DHRSX: variants seen among roughly 807,000 people sequenced by gnomAD.
The protein encoded by DHRSX is dehydrogenase/reductase X-linked.
A neutral mutation model predicts 34.0 loss-of-function variants in DHRSX; 31 were observed. The observed-to-expected ratio is 0.91, with a 90% confidence interval of 0.69 to 1.23. The LOEUF (loss-of-function observed/expected upper bound fraction) is 1.23. DHRSX is among the 50% of genes most tolerant of loss of function. The probability of loss-of-function intolerance (pLI) is 0.00; values close to 1 mark genes in which losing one functional copy is unlikely to be tolerated. For synonymous variants in DHRSX, 201 were observed against 183.8 expected (o/e 1.09, Z -0.76); for missense variants, 414 against 428.1 (o/e 0.97, Z 0.29).
chrX:2,427,287 A>G (rs2043862637), intron 1 of DHRSX, among the ~76,000 whole-genome samples: 1 of 152,110 alleles, frequency 6.6e-6, no homozygotes, highest in Non-Finnish European at 1.5e-5. Context: ...GAGGGAAGAG[A>G]GGAGGGAAGA....
intron 3 of DHRSX, among the ~76,000 whole-genome samples, chrX:2,376,178 T>C (rs1458685578): frequency 7.3e-6 from 1 of 137,766 alleles, no homozygotes; most frequent in Non-Finnish European, 1.7e-5. Context: ...CTTTTTTCGC[T>C]AAATCTAAAT....
intron 3 of DHRSX, among the ~76,000 whole-genome samples, chrX:2,359,816 G>A (rs922549774): frequency 1.3e-5 from 2 of 152,148 alleles, no homozygotes; most frequent in African/African-American, 4.8e-5. Flanking sequence ...AGCAAACTAT[G>A]TAGGAACAGC....
At chrX:2,386,210 G>A (rs1465395497) in intron 3 of DHRSX, among the ~76,000 whole-genome samples, 1 of 150,190 alleles carries the variant, frequency 6.7e-6, no homozygotes, top group East Asian at 2.0e-4. Flanking sequence ...GTGTGTGAGA[G>A]AGAGAGAGAA....
At chrX:2,346,157 A>G (rs2042707708) in intron 3 of DHRSX, among the ~76,000 whole-genome samples, 2 of 152,096 alleles carry the variant, frequency 1.3e-5, no homozygotes, top group South Asian at 4.1e-4. Context: ...ACTCAAATAC[A>G]TGTATTTTCT....
intron 1 of DHRSX, among the ~76,000 whole-genome samples, chrX:2,494,886 A>C (rs1489074948): frequency 6.6e-6 from 1 of 151,882 alleles, no homozygotes; most frequent in East Asian, 1.9e-4. Context: ...TACTGTGAAC[A>C]AAGGTTTATA....
At chrX:2,443,991 C>T (rs184430948) in intron 1 of DHRSX, among the ~76,000 whole-genome samples, 21 of 140,618 alleles carry the variant, frequency 1.5e-4, no homozygotes, top group African/African-American at 4.3e-4. Flanking sequence ...GGCGACAGAG[C>T]GAGACTCCGT....
intron 3 of DHRSX, among the ~76,000 whole-genome samples, chrX:2,330,647 G>A (rs1035012336): frequency 2.1e-5 from 3 of 146,082 alleles, no homozygotes; most frequent in South Asian, 4.4e-4. Flanking sequence ...GAGAAGAAAC[G>A]AAAGAAGATG....
chrX:2,292,847 G>A (rs2041882682), intron 3 of DHRSX, among the ~76,000 whole-genome samples: 1 of 151,902 alleles, frequency 6.6e-6, no homozygotes, highest in Admixed American at 6.6e-5. Flanking sequence ...TGCTCAGTCT[G>A]TTATTTTGTT....
intron 1 of DHRSX, among the ~76,000 whole-genome samples, chrX:2,450,920 G>C (rs1269221541): frequency 1.3e-5 from 2 of 151,940 alleles, no homozygotes; most frequent in African/African-American, 2.4e-5. Flanking sequence ...AATGGGATCA[G>C]TGTCCTTATA....
In DHRSX at chrX:2,449,990, T is replaced by A. The variant is rs188659318; in HGVS notation, c.110-24686A>T. ...ACACAAATGCCCCCCTGCTCTTTTG[T>A]AATAATACTAACACAGATTACCGAA... On this transcript the variant is annotated intron_variant, in intron 1 of 6. Transcript: ENST00000334651. Among the ~76,000 whole-genome samples, 1,419 of 152,144 alleles carry A rather than the reference T, an allele frequency of 9.3e-3. 48 individuals carry two copies. The highest frequency in any genetic ancestry group is 0.058 in the East Asian group (299 of 5,182).
chrX:2,493,336 T>A (rs989300131), intron 1 of DHRSX, among the ~76,000 whole-genome samples: 12 of 152,136 alleles, frequency 7.9e-5, no homozygotes, highest in Admixed American at 7.2e-4. Context: ...ATCATCATAT[T>A]ATTATTTGGC....
chrX:2,460,728 T>G (rs772131744), intron 1 of DHRSX, among the ~76,000 whole-genome samples: 1 of 152,074 alleles, frequency 6.6e-6, no homozygotes. Flanking sequence ...GGACTACAAA[T>G]GCACACCTTA....
intron 3 of DHRSX, among the ~76,000 whole-genome samples, chrX:2,327,676 C>A (rs2042402742): frequency 1.3e-5 from 2 of 152,110 alleles, no homozygotes; most frequent in African/African-American, 4.8e-5. Context: ...GCCCTAACGC[C>A]CAGGACCTCA....
chrX:2,410,993 G>A (rs2043620064), intron 2 of DHRSX, among the ~76,000 whole-genome samples: 1 of 152,112 alleles, frequency 6.6e-6, no homozygotes, highest in Admixed American at 6.6e-5. Flanking sequence ...TGGCACTGAG[G>A]AGGCAGCAGG....
chrX:2,316,774 A>G lies in DHRSX; in HGVS notation c.287-25171T>C, dbSNP rs745483755. Among the ~76,000 whole-genome samples the G allele has an allele frequency of 3.3e-5, 5 of 152,324 alleles. No homozygotes were observed. In the South Asian group the frequency reaches 1.0e-3, roughly 32 times the overall value. ...ATCCTACTGCTCAAGGTCATCGCCAAGATCTGATGGCAAAAATTCAAAAAC... is the reference window on the plus strand; with the variant it reads ...ATCCTACTGCTCAAGGTCATCGCCAGGATCTGATGGCAAAAATTCAAAAAC... On this transcript the variant is annotated intron_variant, in intron 3 of 6. Coordinates refer to ENST00000334651, the MANE Select transcript of DHRSX (RefSeq NM_145177.3).
chrX:2,445,587 G>A (rs1159942973), intron 1 of DHRSX, among the ~76,000 whole-genome samples: 1 of 151,856 alleles, frequency 6.6e-6, no homozygotes, highest in Non-Finnish European at 1.5e-5. Context: ...CTAAGAATGC[G>A]GCCAAGGGAC....
intron 3 of DHRSX, among the ~76,000 whole-genome samples, chrX:2,395,894 T>C (rs2043403602): frequency 6.6e-6 from 1 of 152,156 alleles, no homozygotes; most frequent in South Asian, 2.1e-4. Context: ...GCCCGATCTA[T>C]GTCTCTACTC....
chrX:2,330,661 GAGAAGA>G (rs202100782), intron 3 of DHRSX, among the ~76,000 whole-genome samples: 3,167 of 135,724 alleles, frequency 0.023, 52 homozygotes, highest in South Asian at 0.059. Context: ...GAAGATGAAG[GAGAAGA>G]AGGAGAAGGA....
Position 2,295,504 on chromosome X carries a change from C to A in DHRSX, c.287-3901G>T, listed in dbSNP as rs1242190236. On this transcript the variant is annotated intron_variant, in intron 3 of 6. Transcript: ENST00000334651. ...ACGGGTCGATGGGTGCAGCAAACCA[C>A]CATGGCACGTGTATACCTATGTAAC... Among the ~76,000 whole-genome samples the A allele has an allele frequency of 3.9e-5, 6 of 152,080 alleles. No individual in the cohort carries two copies. The East Asian group carries it at 1.2e-3, about 29-fold the overall frequency.
Sources: gnomAD v4.1 joint callset for allele counts (sites outside exome capture counted in the v4.1 genomes callset) on GRCh38, gnomAD v4.1.1 for gene constraint, MANE v1.5 for transcripts, NCBI Gene and HGNC (gene_info 2026-07-23, HGNC 2026-07-21) for gene names.